MUC5AC: variants seen among roughly 807,000 people sequenced by gnomAD.
MUC5AC encodes mucin 5AC, oligomeric mucus/gel-forming.
In MUC5AC, 158 loss-of-function variants were observed where a neutral mutation model predicts 169.7. The ratio of observed to expected loss-of-function variants is 0.93; its 90% CI spans 0.82 to 1.06. The LOEUF (loss-of-function observed/expected upper bound fraction) is 1.06. MUC5AC is among the 50% of genes least tolerant of loss of function. The pLI is 0.00. For synonymous variants in MUC5AC, 1,975 were observed against 1,237.0 expected, an observed-to-expected ratio of 1.60 and a Z score of -12.52; for missense variants, 4,359 against 3,089.9, an observed-to-expected ratio of 1.41 and a Z score of -9.74.
In MUC5AC at chr11:1,186,368, C is replaced by A. The variant is rs1860946644; in HGVS notation, c.8223C>A (p.Thr2741=). The part of the protein sequence containing the change: ...STTSATTTST[T]SAPTPRRTSA... The stretch of plus-strand genomic sequence containing the variant: ...CCTCTGCCACTACAACCAGCACGAC[C>A]TCTGCTCCTACACCCAGAAGAACCT... Residue 2741 remains threonine, a synonymous_variant, in exon 31 of 49, where the codon ACC becomes ACA. Transcript: ENST00000621226. 2.8e-6 allele frequency: 2 copies of A among 713,376 alleles called. No individual in the cohort carries two copies. The highest frequency in any genetic ancestry group is 5.3e-5 in the East Asian group (2 of 37,964). 44.2% of individuals were successfully genotyped at this position (713,376 alleles called of 1,614,324 possible). A position where few individuals can be genotyped will look rare whatever the true frequency, so the allele number is the denominator to read the frequency against.
rs78716500 is a variant in MUC5AC at position 1,191,900 on chromosome 11, G to T, written c.13755G>T (p.Thr4585=). 1.5e-6 allele frequency: 1 copy of T among 652,504 alleles called. No individual in the cohort carries two copies. The highest frequency in any genetic ancestry group is 2.8e-6 in the Non-Finnish European group (1 of 361,852). 40.4% of individuals were successfully genotyped at this position (652,504 alleles called of 1,614,324 possible). A position where few individuals can be genotyped will look rare whatever the true frequency, so the allele number is the denominator to read the frequency against. The part of the protein sequence containing the change: ...TSTTSAPTTS[T]TSGPGTTPSP... ...CAACCTCTGCTCCTACAACCAGCAC[G>T]ACCTCTGGTCCTGGAACTACTCCCA... is the stretch of plus-strand genomic sequence containing the variant. The change falls in exon 31 of 49, where the codon ACG becomes ACT. Residue 4585 remains threonine (T), a synonymous_variant. Transcript: ENST00000621226.
At position 1,182,290 on chromosome 11, in the gene MUC5AC, T is replaced by A; in HGVS notation, c.4145T>A (p.Val1382Asp). The A allele has an allele frequency of 2.5e-6, 1 of 398,434 alleles. No homozygotes were observed. Among genetic ancestry groups the A allele is most frequent in the East Asian group, 3.6e-5 (1 of 28,050 alleles). 24.7% of individuals were successfully genotyped at this position (398,434 alleles called of 1,614,324 possible). Reference sequence around the variant, plus strand: ...ACAGCCTCTGCCTCACTGCCGCCGGTCTGTGGGGAAAAGTGCCTGTGGTCG... The same window carrying A: ...ACAGCCTCTGCCTCACTGCCGCCGGACTGTGGGGAAAAGTGCCTGTGGTCG... ...LPTASASLPP[V>D]CGEKCLWSPW... The change falls in exon 31 of 49, where the codon GTC (valine) becomes GAC (aspartate). Residue 1382 changes from valine (V) to aspartate (D), a missense_variant. By Grantham distance (152) the Val-to-Asp change is radical. Coordinates refer to ENST00000621226, the MANE Select transcript of MUC5AC (RefSeq NM_001304359.2).
intron 1 of MUC5AC, among the ~76,000 whole-genome samples, chr11:1,159,121 G>C (rs1486155891): frequency 1.3e-5 from 2 of 152,258 alleles, no homozygotes; most frequent in East Asian, 3.9e-4. Context: ...TCTCCCCCAC[G>C]GGGCTTGCAG....
In MUC5AC at chr11:1,174,926, C is replaced by G. The variant is rs1409800784; in HGVS notation, c.2137C>G (p.His713Asp). ...TCPKSMTYHY[H>D]VSTCQPTCRS... Reference sequence around the variant, plus strand: ...CCCCAAGTCAATGACGTACCACTACCATGTCAGCACCTGCCAGCCCACCTG... The same window carrying G: ...CCCCAAGTCAATGACGTACCACTACGATGTCAGCACCTGCCAGCCCACCTG... Residue 713 changes from histidine (H) to aspartate (D), a missense_variant, in exon 18 of 49, where the codon CAT (histidine) becomes GAT (aspartate). By Grantham distance (81) the His-to-Asp change is moderately conservative. Transcript: ENST00000621226. 4.9e-6 allele frequency: 2 copies of G among 410,678 alleles called. No homozygotes were observed. Among genetic ancestry groups the G allele is most frequent in the Non-Finnish European group, 8.6e-6 (2 of 233,000 alleles). The allele number at this position is 410,678 out of a possible 1,614,324, so 25.4% of individuals were successfully genotyped here.
In MUC5AC at chr11:1,181,366, G is replaced by A. The variant is rs887369372; in HGVS notation, c.3916G>A (p.Gly1306Arg). 6.3e-5 allele frequency: 25 copies of A among 398,516 alleles called. No homozygotes were observed. Among genetic ancestry groups the A allele is most frequent in the Middle Eastern group, 6.2e-4 (1 of 1,612 alleles). The allele number at this position is 398,516 out of a possible 1,614,324, so 24.7% of individuals were successfully genotyped here. A position where few individuals can be genotyped will look rare whatever the true frequency, so the allele number is the denominator to read the frequency against. ...GGGTGGCTGCATCTCCGCCCGCTGC[G>A]GGGCCAACGGCACCATTGAGAGGAG... Reference protein sequence around the residue: ...GTGGCISARCGANGTIERRVY... With the variant: ...GTGGCISARCRANGTIERRVY... The change falls in exon 30 of 49, where the codon GGG (glycine) becomes AGG (arginine). Residue 1306 changes from glycine (G) to arginine (R), a missense_variant. Coordinates refer to ENST00000621226, the MANE Select transcript of MUC5AC (RefSeq NM_001304359.2).
chr11:1,161,816 TG>T (rs1000616208), intron 3 of MUC5AC, 90 bp from the exon 4 acceptor site: 3 of 1,499,078 alleles, frequency 2.0e-6, no homozygotes, highest in Non-Finnish European at 1.8e-6. Context: ...TGCAGGACCC[TG>T]GGGAGGGGCA....
chr11:1,167,986 C>G lies in MUC5AC; in HGVS notation c.1496C>G (p.Thr499Arg). The G allele has an allele frequency of 6.5e-7, 1 of 1,549,992 alleles. No individual in the cohort carries two copies. Among genetic ancestry groups the G allele is most frequent in the Non-Finnish European group, 8.7e-7 (1 of 1,146,822 alleles). Residue 499 changes from threonine (T) to arginine (R), a missense_variant and splice_region_variant, in exon 12 of 49, where the codon ACG becomes AGG. By Grantham distance (71) the Thr-to-Arg change is moderately conservative. Transcript: ENST00000621226. ...SVTLSLDGAQ[T>R]VVVIKASGEV... The stretch of plus-strand genomic sequence containing the variant: ...ACACTGAGCCTGGATGGGGCGCAGA[C>G]GGTGAGTGGAGCCTGGCAGGGCAAA...
Position 1,162,432 on chromosome 11 carries a change from G to A in MUC5AC, c.474-100G>A, listed in dbSNP as rs55900016. On this transcript the variant is annotated intron_variant, in intron 4 of 48. Coordinates refer to ENST00000621226, the MANE Select transcript of MUC5AC (RefSeq NM_001304359.2). ...TCCCCATCCCAGACGCGACTTCACG[G>A]TCACGATGACCGTGTCACATTTGCG... is the stretch of plus-strand genomic sequence containing the variant. The A allele has an allele frequency of 1.8e-3, 2,123 of 1,171,402 alleles. 23 individuals are homozygous for A. In the African/African-American group the frequency reaches 0.029, roughly 16 times the overall value. The allele number at this position is 1,171,402 out of a possible 1,614,324, so 72.6% of individuals were successfully genotyped here. A position where few individuals can be genotyped will look rare whatever the true frequency, so the allele number is the denominator to read the frequency against.
rs896296851 is a variant in MUC5AC at position 1,196,922 on chromosome 11, A to G, written c.15861+14A>G. 1 of 760,942 alleles carries G rather than the reference A, an allele frequency of 1.3e-6. No homozygotes were observed. 47.1% of individuals were successfully genotyped at this position (760,942 alleles called of 1,614,324 possible). On this transcript the variant is annotated intron_variant, in intron 40 of 48. Coordinates refer to ENST00000621226, the MANE Select transcript of MUC5AC (RefSeq NM_001304359.2). ...GAGCCGGTGAAGGTGAGTGGAAGGC[A>G]TGGCCCAAGAGGGCACTGGGGTCCA...
intron 16 of MUC5AC, among the ~76,000 whole-genome samples, chr11:1,173,111 C>T (rs1860588262): frequency 6.6e-6 from 1 of 152,022 alleles, no homozygotes. Flanking sequence ...CTCATTCATT[C>T]ACTCATATCT....
Position 1,165,688 on chromosome 11 carries a change from A to G in MUC5AC, c.1314A>G (p.Gly438=). ...GCCCGGGTACCTGCTCTGTGCTTGG[A>G]GGTGCCCACTTCTCAACGTTTGACG... The part of the protein sequence containing the change: ...VPCPGTCSVL[G]GAHFSTFDGK... The change falls in exon 11 of 49, where the codon GGA becomes GGG. Residue 438 remains glycine (G), a synonymous_variant. Coordinates refer to ENST00000621226, the MANE Select transcript of MUC5AC (RefSeq NM_001304359.2). 6.2e-7 allele frequency: 1 copy of G among 1,612,478 alleles called. No individual in the cohort carries two copies. The highest frequency in any genetic ancestry group is 8.5e-7 in the Non-Finnish European group (1 of 1,179,762).
chr11:1,192,930 C>T lies in MUC5AC; in HGVS notation c.14528C>T (p.Thr4843Ile), dbSNP rs763977483. Reference sequence around the variant, plus strand: ...CCAGCCACGTCCCCTTCAATATCCACCTCCGAGCCCGTCACTGAGCTGGGA... The same window carrying T: ...CCAGCCACGTCCCCTTCAATATCCATCTCCGAGCCCGTCACTGAGCTGGGA... Reference protein sequence around the residue: ...PAPATSPSISTSEPVTELGCP... With the variant: ...PAPATSPSISISEPVTELGCP... The change falls in exon 32 of 49, where the codon ACC (threonine) becomes ATC (isoleucine). Residue 4843 changes from threonine (T) to isoleucine (I), a missense_variant. Thr to Ile is a moderately conservative substitution (Grantham distance 89, BLOSUM62 -1). Transcript: ENST00000621226. 3 of 755,950 alleles carry T rather than the reference C, an allele frequency of 4.0e-6. No individual in the cohort carries two copies. The highest frequency in any genetic ancestry group is 7.3e-6 in the Non-Finnish European group (3 of 413,348). 46.8% of individuals were successfully genotyped at this position (755,950 alleles called of 1,614,324 possible). A position where few individuals can be genotyped will look rare whatever the true frequency, so the allele number is the denominator to read the frequency against.
In MUC5AC at chr11:1,196,902, G is replaced by T; in HGVS notation, c.15855G>T (p.Pro5285=). ...CPRCLGPHGE[P]VKVGHTVGMD... is the part of the protein sequence containing the mutation. The stretch of plus-strand genomic sequence containing the variant: ...GGTGTCTGGGGCCCCACGGAGAGCC[G>T]GTGAAGGTGAGTGGAAGGCATGGCC... Residue 5285 remains proline (P), a synonymous_variant, in exon 40 of 49, where the codon CCG becomes CCT. Coordinates refer to ENST00000621226, the MANE Select transcript of MUC5AC (RefSeq NM_001304359.2). 1 of 762,400 alleles carries T rather than the reference G, an allele frequency of 1.3e-6. No homozygotes were observed. The highest frequency in any genetic ancestry group is 1.7e-5 in the Admixed American group (1 of 58,686). 47.2% of individuals were successfully genotyped at this position (762,400 alleles called of 1,614,324 possible).
At position 1,164,488 on chromosome 11, in the gene MUC5AC, G is replaced by A. The variant is rs778105363; in HGVS notation, c.1085G>A (p.Arg362Gln). ...ACCTGCTCCAACCAGGAGCACTCCC[G>A]GGCCTGTGAGGACCACTGTGTGGCC... The part of the protein sequence containing the change: ...ADTCSNQEHS[R>Q]ACEDHCVAGC... Residue 362 changes from arginine to glutamine, a missense_variant, in exon 9 of 49, where the codon CGG becomes CAG. Transcript: ENST00000621226. 37 of 1,611,520 alleles carry A rather than the reference G, an allele frequency of 2.3e-5. No homozygotes were observed. Among genetic ancestry groups the A allele is most frequent in the Middle Eastern group, 1.6e-4 (1 of 6,076 alleles).
chr11:1,180,328 G>A (rs1465676011), intron 27 of MUC5AC, 26 bp from the exon 28 acceptor site: 6 of 398,646 alleles, frequency 1.5e-5, no homozygotes, highest in Admixed American at 1.3e-4. Context: ...CGGTCTGGTT[G>A]TGACTCTGGC....
Position 1,199,109 on chromosome 11 carries a change from G to A in MUC5AC, c.16319G>A (p.Ser5440Asn). 1 of 764,772 alleles carries A rather than the reference G, an allele frequency of 1.3e-6. No individual in the cohort carries two copies. Among genetic ancestry groups the A allele is most frequent in the South Asian group, 1.3e-5 (1 of 74,550 alleles). 47.4% of individuals were successfully genotyped at this position (764,772 alleles called of 1,614,324 possible). ...CPVGFEYQEQSGQCCGTCVQV... is the reference protein window; with the variant it reads ...CPVGFEYQEQNGQCCGTCVQV... ...CAGGGCTTCGAGTACCAGGAGCAGA[G>A]CGGGCAGTGCTGTGGCACCTGTGTG... The change falls in exon 45 of 49, where the codon AGC becomes AAC. Residue 5440 changes from serine to asparagine, a missense_variant. Coordinates refer to ENST00000621226, the MANE Select transcript of MUC5AC (RefSeq NM_001304359.2).
intron 3 of MUC5AC, 30 bp from the exon 4 acceptor site, chr11:1,161,877 C>T (rs761131553): frequency 3.7e-6 from 6 of 1,601,554 alleles, no homozygotes; most frequent in Middle Eastern, 1.7e-4. Flanking sequence ...GAGGGCGACG[C>T]CCCCAAACAC....
chr11:1,168,595 T>TCC lies in MUC5AC; in HGVS notation c.1567+45_1568-44dup, dbSNP rs773722612. 3 of 1,612,242 alleles carry TCC rather than the reference T, an allele frequency of 1.9e-6. No individual in the cohort carries two copies. The Admixed American group carries it at 5.0e-5, about 27-fold the overall frequency. On this transcript the variant is annotated intron_variant, in intron 13 of 48. Coordinates refer to ENST00000621226, the MANE Select transcript of MUC5AC (RefSeq NM_001304359.2). ...TTCCCCACCCCGGGGCTGCCTGGGG[T>TCC]CCCGCCCCACAGCCCCCAGCAAAAC...
At chr11:1,160,164 C>T (rs1313246637) in intron 1 of MUC5AC, among the ~76,000 whole-genome samples, 1 of 152,130 alleles carries the variant, frequency 6.6e-6, no homozygotes, top group East Asian at 1.9e-4. Context: ...CCTGCAGGGT[C>T]TGCTGCTTGT....
Sources: gnomAD v4.1 joint callset for allele counts (sites outside exome capture counted in the v4.1 genomes callset) on GRCh38, gnomAD v4.1.1 for gene constraint, MANE v1.5 for transcripts, NCBI Gene and HGNC (gene_info 2026-07-23, HGNC 2026-07-21) for gene names.